Variants in ANKRD30BL observed in about 807,000 individuals in gnomAD.
The protein encoded by ANKRD30BL is ankyrin repeat domain 30B like.
In ANKRD30BL, 20 loss-of-function variants were observed where a neutral mutation model predicts 18.4. That is an observed-to-expected ratio of 1.09 (90% CI 0.77 to 1.58). ANKRD30BL has a LOEUF of 1.58. Among genes scored for constraint, ANKRD30BL ranks in the 40% most tolerant of loss-of-function variants. ANKRD30BL has a pLI of 0.00. For missense variants in ANKRD30BL, 224 were observed against 268.6 expected (o/e 0.83, Z 1.16); for synonymous variants, 72 against 100.9 (o/e 0.71, Z 1.72).
intron 1 of ANKRD30BL, among the ~76,000 whole-genome samples, chr2:132,207,520 A>T (rs1679233644): frequency 6.6e-6 from 1 of 152,162 alleles, no homozygotes; most frequent in Non-Finnish European, 1.5e-5. Context: ...CTCCACGTGA[A>T]TTGGTAGAAG....
chr2:132,161,894 G>GCTGAGCAGAACCGTTAGGCAC lies in ANKRD30BL; in HGVS notation c.-210_-190dup, dbSNP rs1048879889. The GCTGAGCAGAACCGTTAGGCAC allele has an allele frequency of 3.6e-6, 2 of 558,200 alleles. No homozygotes were observed. Among genetic ancestry groups the GCTGAGCAGAACCGTTAGGCAC allele is most frequent in the Non-Finnish European group, 3.2e-6 (1 of 312,614 alleles). The allele number at this position is 558,200 out of a possible 1,614,324, so 34.6% of individuals were successfully genotyped here. On this transcript the variant is annotated 5_prime_UTR_variant, in exon 1 of 6. Transcript: ENST00000409867. ...AATGGCTGCGCAAAACCGTTAGGCA[G>GCTGAGCAGAACCGTTAGGCAC]CTGAGCAGAACCGTTAGGCACCTGA...
intron 1 of ANKRD30BL, among the ~76,000 whole-genome samples, chr2:132,219,733 T>G (rs201453802): frequency 3.9e-5 from 6 of 151,974 alleles, no homozygotes; most frequent in Non-Finnish European, 7.4e-5. Context: ...TTGAACCTTT[T>G]TTTTGATAGA....
At chr2:132,242,711 T>G (rs1384386167) in intron 1 of ANKRD30BL, among the ~76,000 whole-genome samples, 2 of 151,656 alleles carry the variant, frequency 1.3e-5, no homozygotes, top group Non-Finnish European at 3.0e-5. Flanking sequence ...CGGGAATAGC[T>G]TCACATAAAA....
At chr2:132,252,550 G>A (rs960873242) in intron 1 of ANKRD30BL, among the ~76,000 whole-genome samples, 5 of 151,628 alleles carry the variant, frequency 3.3e-5, no homozygotes, top group Non-Finnish European at 7.4e-5. Context: ...GGGCAGGCAG[G>A]GGGTGGGTGG....
chr2:132,242,223 T>C (rs1364698431), intron 1 of ANKRD30BL, among the ~76,000 whole-genome samples: 1 of 151,928 alleles, frequency 6.6e-6, no homozygotes, highest in African/African-American at 2.4e-5. Context: ...GACTGAAGCA[T>C]TCTCAGAAAC....
chr2:132,184,303 G>A (rs2104950218), intron 1 of ANKRD30BL, among the ~76,000 whole-genome samples: 1 of 152,220 alleles, frequency 6.6e-6, no homozygotes, highest in South Asian at 2.1e-4. Flanking sequence ...TTAATACATA[G>A]AACCTTATTT....
At chr2:132,250,107 A>G (rs1274540740) in intron 1 of ANKRD30BL, among the ~76,000 whole-genome samples, 1 of 152,198 alleles carries the variant, frequency 6.6e-6, no homozygotes, top group Non-Finnish European at 1.5e-5. Flanking sequence ...ATGAATCCAC[A>G]CATCACAAAG....
At chr2:132,219,510 TTCTCAGAAACA>T in intron 1 of ANKRD30BL, among the ~76,000 whole-genome samples, 1 of 151,582 alleles carries the variant, frequency 6.6e-6, no homozygotes, top group African/African-American at 2.4e-5. Flanking sequence ...GAGAGAATAA[TTCTCAGAAACA>T]TCTTGTGATG....
chr2:132,220,536 G>A lies in ANKRD30BL; in HGVS notation n.441+36993C>T, dbSNP rs562619331. Reference sequence around the variant, plus strand: ...GCGTCGCCACGCCTGACTGGTTTTCGTTTTTTTTTGGTGGAGACGGGGTTT... The same window carrying A: ...GCGTCGCCACGCCTGACTGGTTTTCATTTTTTTTTGGTGGAGACGGGGTTT... On this transcript the variant is annotated intron_variant and non_coding_transcript_variant, in intron 1 of 4. Transcript: ENST00000470729. Among the ~76,000 whole-genome samples, 678 of 150,662 alleles carry A rather than the reference G, an allele frequency of 4.5e-3. 3 individuals are homozygous for A. Among genetic ancestry groups the A allele is most frequent in the African/African-American group, 0.014 (580 of 41,028 alleles).
intron 1 of ANKRD30BL, among the ~76,000 whole-genome samples, chr2:132,220,287 C>T (rs1679637483): frequency 1.4e-5 from 2 of 146,554 alleles, no homozygotes; most frequent in South Asian, 2.2e-4. Flanking sequence ...TTGGCCTCTC[C>T]CTCTCCCTCT....
chr2:132,154,659 TA>T lies in ANKRD30BL; in HGVS notation c.614+2del. 1.4e-6 allele frequency: 1 copy of T among 700,126 alleles called. No individual in the cohort carries two copies. The highest frequency in any genetic ancestry group is 1.6e-5 in the South Asian group (1 of 63,892). The allele number at this position is 700,126 out of a possible 1,614,324, so 43.4% of individuals were successfully genotyped here. ...TGTTTTTTAATAAAAAAAACTACTA[TA>T]CCATTTAAACTTATCAACTGCATTT... On this transcript the variant is annotated splice_donor_variant, in intron 4 of 5. Coordinates refer to ENST00000409867, the MANE Select transcript of ANKRD30BL (RefSeq NM_001358416.1). LOFTEE classifies it high-confidence loss of function.
At chr2:132,210,939 A>G (rs913806090) in intron 1 of ANKRD30BL, among the ~76,000 whole-genome samples, 2 of 152,056 alleles carry the variant, frequency 1.3e-5, no homozygotes, top group Non-Finnish European at 2.9e-5. Flanking sequence ...GTGTGCATTC[A>G]TCTCACAGAG....
In ANKRD30BL at chr2:132,147,908, G is replaced by A. The variant is rs557306427; in HGVS notation, c.*223C>T. 96 of 503,836 alleles carry A rather than the reference G, an allele frequency of 1.9e-4. No individual in the cohort carries two copies. The highest frequency in any genetic ancestry group is 1.9e-3 in the African/African-American group (93 of 49,504). 31.2% of individuals were successfully genotyped at this position (503,836 alleles called of 1,614,324 possible). On this transcript the variant is annotated 3_prime_UTR_variant, in exon 6 of 6. Transcript: ENST00000409867. ...AAGAATGACTAAAGACAAAGCAGGT[G>A]TTAGAGGCTAGAAGGGGGCTGTTTA...
At chr2:132,195,318 G>A (rs965731471) in intron 1 of ANKRD30BL, among the ~76,000 whole-genome samples, 1 of 152,126 alleles carries the variant, frequency 6.6e-6, no homozygotes, top group Non-Finnish European at 1.5e-5. Context: ...CATTCAAGGT[G>A]AGTGTGCAAA....
Position 132,238,234 on chromosome 2 carries a change from C to T in ANKRD30BL, n.441+19295G>A, listed in dbSNP as rs543771310. On this transcript the variant is annotated intron_variant and non_coding_transcript_variant, in intron 1 of 4. Coordinates refer to the ANKRD30BL transcript ENST00000470729. ...CGTTTGATACAGCAGTTATGAAAGA[C>T]TCTTCTTATAGAATTTACAAGTGGA... 6.6e-5 allele frequency among the ~76,000 whole-genome samples: 10 copies of T among 152,030 alleles called. No homozygotes were observed. In the East Asian group the frequency reaches 1.7e-3, roughly 26 times the overall value.
At chr2:132,169,224 G>A (rs1184356997) in intron 1 of ANKRD30BL, among the ~76,000 whole-genome samples, 1 of 152,176 alleles carries the variant, frequency 6.6e-6, no homozygotes, top group Non-Finnish European at 1.5e-5. Flanking sequence ...AAATGGATGA[G>A]GCTAAAATAA....
At chr2:132,175,497 ACATT>A (rs1202292985) in intron 1 of ANKRD30BL, among the ~76,000 whole-genome samples, 2 of 152,216 alleles carry the variant, frequency 1.3e-5, no homozygotes, top group Admixed American at 1.3e-4. Context: ...TTATACTGAG[ACATT>A]CAGTTCCCTG....
rs1679012512 is a variant in ANKRD30BL at position 132,198,309 on chromosome 2, TTTC to T, written n.442-41166_442-41164del. ...CTTTCTTTCTTTCTTTCTTTCTTTC[TTTC>T]TTTCTTTCTTTCTTTTTTTTTTTTT... On this transcript the variant is annotated intron_variant and non_coding_transcript_variant, in intron 1 of 4. Coordinates refer to the ANKRD30BL transcript ENST00000470729. 8.3e-5 allele frequency among the ~76,000 whole-genome samples: 3 copies of T among 36,324 alleles called. 1 individual carries two copies. Among genetic ancestry groups the T allele is most frequent in the African/African-American group, 3.5e-4 (3 of 8,548 alleles). 23.8% of individuals were successfully genotyped at this position (36,324 alleles called of 152,430 possible). A position where few individuals can be genotyped will look rare whatever the true frequency, so the allele number is the denominator to read the frequency against.
At chr2:132,217,502 T>C (rs1036398464) in intron 1 of ANKRD30BL, among the ~76,000 whole-genome samples, 1 of 152,010 alleles carries the variant, frequency 6.6e-6, no homozygotes, top group Non-Finnish European at 1.5e-5. Flanking sequence ...ACTCACAGAG[T>C]TGAAGATACT....
Sources: allele counts gnomAD v4.1 joint callset (sites outside exome capture counted in the v4.1 genomes callset), GRCh38; gene constraint gnomAD v4.1.1; transcripts MANE v1.5; gene names NCBI Gene and HGNC (gene_info 2026-07-23, HGNC 2026-07-21).